The following PARD3B variants were observed in gnomAD, a reference collection of about 807,000 sequenced individuals.
The protein encoded by PARD3B is par-3 family cell polarity regulator beta, also known as partitioning defective 3 homolog B.
PARD3B carries 103 observed loss-of-function variants against 130.2 expected under a neutral mutation model. The ratio of observed to expected loss-of-function variants is 0.79; its 90% CI spans 0.67 to 0.93. The LOEUF (loss-of-function observed/expected upper bound fraction) is 0.93, where lower values mean the gene tolerates loss of function less well. PARD3B is among the 40% of genes least tolerant of loss of function. PARD3B has a pLI of 0.00. For missense variants in PARD3B, 1,609 were observed against 1,499.2 expected (o/e 1.07, Z -1.21); for synonymous variants, 583 against 553.2 (o/e 1.05, Z -0.76).
chr2:204,604,085 A>C (rs2125108353), intron 1 of PARD3B, among the ~76,000 whole-genome samples: 1 of 152,294 alleles, frequency 6.6e-6, no homozygotes, highest in East Asian at 1.9e-4. Context: ...GGCTGAGAAG[A>C]CAACTGTGGA....
chr2:205,435,319 A>C (rs2047476070), intron 19 of PARD3B, among the ~76,000 whole-genome samples: 1 of 151,962 alleles, frequency 6.6e-6, no homozygotes, highest in Non-Finnish European at 1.5e-5. Context: ...CAGCTGCATA[A>C]TACTTTTCTA....
intron 1 of PARD3B, among the ~76,000 whole-genome samples, chr2:204,641,876 T>C (rs972167695): frequency 4.6e-5 from 7 of 152,200 alleles, no homozygotes; most frequent in African/African-American, 1.7e-4. Context: ...AAAATTCTCC[T>C]TTTAGAGATG....
At chr2:204,622,624 G>A (rs955846067) in intron 1 of PARD3B, among the ~76,000 whole-genome samples, 3 of 151,382 alleles carry the variant, frequency 2.0e-5, no homozygotes, top group Non-Finnish European at 2.9e-5. Context: ...TTATATAGCC[G>A]TATTTATGAT....
At chr2:205,023,293 A>C (rs1696761493) in intron 3 of PARD3B, among the ~76,000 whole-genome samples, 1 of 152,084 alleles carries the variant, frequency 6.6e-6, no homozygotes. Flanking sequence ...TTAACACAGC[A>C]CAATGTCGAT....
chr2:204,734,945 G>A (rs1322272087), intron 2 of PARD3B, among the ~76,000 whole-genome samples: 1 of 152,016 alleles, frequency 6.6e-6, no homozygotes, highest in East Asian at 1.9e-4. Flanking sequence ...TATTTGAGGG[G>A]AAAAGAGGTA....
intron 21 of PARD3B, among the ~76,000 whole-genome samples, chr2:205,520,588 G>A (rs547279383): frequency 2.6e-4 from 39 of 152,130 alleles, no homozygotes; most frequent in African/African-American, 8.9e-4. Flanking sequence ...AAATGCTTAG[G>A]TAATTGGTAA....
chr2:205,129,857 GC>G (rs1199892164), intron 10 of PARD3B, among the ~76,000 whole-genome samples: 2 of 152,096 alleles, frequency 1.3e-5, no homozygotes, highest in African/African-American at 4.8e-5. Context: ...CATTCTGAAG[GC>G]CATGGTATCC....
Position 205,235,492 on chromosome 2 carries a change from C to A in PARD3B, c.2141-10286C>A, listed in dbSNP as rs1157531487. Among the ~76,000 whole-genome samples the A allele has an allele frequency of 2.0e-5, 3 of 152,016 alleles. No homozygotes were observed. In the East Asian group the frequency reaches 5.8e-4, roughly 29 times the overall value. ...TGTCTACAGGGGATATGCCCCAGGA[C>A]CCCCAGTGGATGCCTGAAACTGAGT... On this transcript the variant is annotated intron_variant, in intron 15 of 22. Transcript: ENST00000406610.
intron 15 of PARD3B, among the ~76,000 whole-genome samples, chr2:205,199,542 G>A (rs2036876966): frequency 6.6e-6 from 1 of 151,926 alleles, no homozygotes. Context: ...AATAATATAT[G>A]CAGGAAGAGG....
chr2:204,610,137 G>A lies in PARD3B; in HGVS notation c.120+64018G>A, dbSNP rs544020270. 6.6e-6 allele frequency among the ~76,000 whole-genome samples: 1 copy of A among 152,014 alleles called. No homozygotes were observed. The highest frequency in any genetic ancestry group is 1.5e-5 in the Non-Finnish European group (1 of 67,988). On this transcript the variant is annotated intron_variant, in intron 1 of 22. Transcript: ENST00000406610. The surrounding 1 kb of genome is among the most constrained non-coding windows in gnomAD (Gnocchi z 4.1). ...AGAGAGAAGAGGTTTAAGGAGGTTT[G>A]TCCCACCTCCCTTCCCATCGTGGCT...
At chr2:204,975,316 T>G (rs1236142655) in intron 3 of PARD3B, among the ~76,000 whole-genome samples, 3 of 152,192 alleles carry the variant, frequency 2.0e-5, no homozygotes, top group Non-Finnish European at 4.4e-5. Context: ...TTATCTTCTA[T>G]TAAGCAATTA....
At chr2:205,576,693 T>C (rs1279348465) in intron 22 of PARD3B, among the ~76,000 whole-genome samples, 3 of 152,238 alleles carry the variant, frequency 2.0e-5, no homozygotes, top group African/African-American at 7.2e-5. Flanking sequence ...TCATGATTAG[T>C]GTAGCTTTAT....
chr2:205,392,233 A>G (rs2045885311), intron 18 of PARD3B, among the ~76,000 whole-genome samples: 2 of 152,200 alleles, frequency 1.3e-5, no homozygotes, highest in South Asian at 2.1e-4. Context: ...TAGAAGTTGT[A>G]GAACGTTATA....
chr2:205,200,677 G>A (rs1035177887), intron 15 of PARD3B, among the ~76,000 whole-genome samples: 9 of 152,072 alleles, frequency 5.9e-5, no homozygotes, highest in South Asian at 2.1e-4. Flanking sequence ...TTTCATTCTC[G>A]TTATGTAAAC....
chr2:205,140,481 C>A (rs530871499), intron 10 of PARD3B, among the ~76,000 whole-genome samples: 2 of 140,708 alleles, frequency 1.4e-5, no homozygotes, highest in Admixed American at 7.1e-5. Flanking sequence ...AAAGGAAGAC[C>A]GTTCCTTTTT....
At chr2:205,368,227 G>A (rs2044680228) in intron 18 of PARD3B, among the ~76,000 whole-genome samples, 1 of 152,160 alleles carries the variant, frequency 6.6e-6, no homozygotes, top group Non-Finnish European at 1.5e-5. Flanking sequence ...TACCAATACT[G>A]GTGGGAAATA....
intron 14 of PARD3B, among the ~76,000 whole-genome samples, chr2:205,192,699 G>A (rs2036460247): frequency 6.6e-6 from 1 of 152,106 alleles, no homozygotes; most frequent in Admixed American, 6.6e-5. Context: ...GTTAACATTA[G>A]TTTTAGGAAA....
At position 205,405,620 on chromosome 2, in the gene PARD3B, A is replaced by ATTTATT. The variant is rs2046393755; in HGVS notation, c.2741+4502_2741+4507dup. Reference sequence around the variant, plus strand: ...TGCAAGAATAATTTTTTTCGTTAAAATTTATTTTTAACCTTGGCCTGCTGA... The same window carrying ATTTATT: ...TGCAAGAATAATTTTTTTCGTTAAAATTTATTTTTATTTTTAACCTTGGCCTGCTGA... On this transcript the variant is annotated intron_variant, in intron 19 of 22. Coordinates refer to ENST00000406610, the MANE Select transcript of PARD3B (RefSeq NM_001302769.2). The surrounding 1 kb of genome is among the most constrained non-coding windows in gnomAD (Gnocchi z 4.1). 6.6e-6 allele frequency among the ~76,000 whole-genome samples: 1 copy of ATTTATT among 152,192 alleles called. No homozygotes were observed. The highest frequency in any genetic ancestry group is 1.5e-5 in the Non-Finnish European group (1 of 68,042).
chr2:205,090,778 A>G (rs1380364542), intron 4 of PARD3B, among the ~76,000 whole-genome samples: 1 of 152,214 alleles, frequency 6.6e-6, no homozygotes, highest in Non-Finnish European at 1.5e-5. Context: ...TGGGAGTGGA[A>G]GTGGAGAGAG....
Sources: allele counts gnomAD v4.1 joint callset (sites outside exome capture counted in the v4.1 genomes callset), GRCh38; gene constraint gnomAD v4.1.1; non-coding constraint Gnocchi (gnomAD v3.1); transcripts MANE v1.5; gene names NCBI Gene and HGNC (gene_info 2026-07-23, HGNC 2026-07-21).